Variants in PGCKA1 observed in about 807,000 individuals in gnomAD.
PGCKA1 encodes the protein PDCD10 and GCKIII kinases-associated protein 1.
chr4:37,515,303 C>T, the PGCKA1 span, among the ~76,000 whole-genome samples: 1 of 152,112 alleles, frequency 6.6e-6, no homozygotes, highest in Admixed American at 6.5e-5. Flanking sequence ...GTGAGAAATG[C>T]ATTTCTGTTG....
chr4:37,578,927 G>A, the PGCKA1 span, among the ~76,000 whole-genome samples: 121 of 152,146 alleles, frequency 8.0e-4, 4 homozygotes, highest in East Asian at 0.022. Flanking sequence ...GCATGGTGGT[G>A]CACACCTGTA....
chr4:37,589,051 C>T, the PGCKA1 span: 2 of 557,152 alleles, frequency 3.6e-6, no homozygotes, highest in Non-Finnish European at 6.3e-6. Context: ...GTTATAATAT[C>T]ATTTAAAAGA....
At chr4:37,528,108 C>A in the PGCKA1 span, among the ~76,000 whole-genome samples, 1 of 152,230 alleles carries the variant, frequency 6.6e-6, no homozygotes, top group South Asian at 2.1e-4. Flanking sequence ...TTGTCCATTT[C>A]CACTGAATTT....
chr4:37,496,929 ATTTTT>A, the PGCKA1 span, among the ~76,000 whole-genome samples: 2 of 151,752 alleles, frequency 1.3e-5, no homozygotes, highest in African/African-American at 2.4e-5. Flanking sequence ...AATACTAGTG[ATTTTT>A]TTTATTTTAT....
chr4:37,590,118 T>C, the PGCKA1 span: 2 of 1,614,066 alleles, frequency 1.2e-6, no homozygotes, highest in Non-Finnish European at 1.7e-6. Flanking sequence ...AAGTGCCCTC[T>C]CCTGGCTATG....
the PGCKA1 span, among the ~76,000 whole-genome samples, chr4:37,500,261 G>A: frequency 6.6e-6 from 1 of 152,160 alleles, no homozygotes; most frequent in African/African-American, 2.4e-5. Context: ...GTTTAGTGCT[G>A]TAAATTTCCC....
At chr4:37,522,349 A>G in the PGCKA1 span, among the ~76,000 whole-genome samples, 2 of 152,032 alleles carry the variant, frequency 1.3e-5, no homozygotes, top group Admixed American at 1.3e-4. Flanking sequence ...GCCTCACCCC[A>G]TAGCCACCAC....
the PGCKA1 span, among the ~76,000 whole-genome samples, chr4:37,464,784 A>G: frequency 1.3e-5 from 2 of 152,212 alleles, no homozygotes; most frequent in South Asian, 2.1e-4. Flanking sequence ...GATAGTTTCA[A>G]ATGTTTCTAA....
At chr4:37,458,564 G>T in the PGCKA1 span, among the ~76,000 whole-genome samples, 1 of 152,128 alleles carries the variant, frequency 6.6e-6, no homozygotes, top group African/African-American at 2.4e-5. Context: ...GCCATGTCAC[G>T]TGGGGAGCAG....
chr4:37,548,806 T>TAAAAC, the PGCKA1 span, among the ~76,000 whole-genome samples: 99,788 of 151,554 alleles, frequency 0.66, 33,245 homozygotes, highest in Middle Eastern at 0.74. Flanking sequence ...GTTAAAGACT[T>TAAAAC]AAACTTTGGC....
chr4:37,556,801 C>T, the PGCKA1 span, among the ~76,000 whole-genome samples: 23 of 152,164 alleles, frequency 1.5e-4, no homozygotes, highest in Non-Finnish European at 3.1e-4. Flanking sequence ...CAGGCATGGA[C>T]TTGTGTTTCT....
chr4:37,561,678 G>A, the PGCKA1 span, among the ~76,000 whole-genome samples: 5 of 152,290 alleles, frequency 3.3e-5, no homozygotes, highest in East Asian at 5.8e-4. Context: ...ATAATTCACT[G>A]TAGTTATGTT....
chr4:37,489,608 G>A, the PGCKA1 span, among the ~76,000 whole-genome samples: 1 of 152,120 alleles, frequency 6.6e-6, no homozygotes, highest in Admixed American at 6.6e-5. Flanking sequence ...AGAATTGTGG[G>A]TGACTCTGAG....
At chr4:37,500,736 A>T in the PGCKA1 span, among the ~76,000 whole-genome samples, 1 of 152,168 alleles carries the variant, frequency 6.6e-6, no homozygotes, top group Non-Finnish European at 1.5e-5. Flanking sequence ...GTCTCCCAGT[A>T]TTATTGTGTG....
chr4:37,563,092 T>C, the PGCKA1 span, among the ~76,000 whole-genome samples: 1 of 152,156 alleles, frequency 6.6e-6, no homozygotes, highest in African/African-American at 2.4e-5. Flanking sequence ...TTTCTTGTCT[T>C]CCGACCAGTT....
chr4:37,537,621 G>C, the PGCKA1 span, among the ~76,000 whole-genome samples: 1 of 152,158 alleles, frequency 6.6e-6, no homozygotes, highest in Non-Finnish European at 1.5e-5. Context: ...CATGTATTTG[G>C]AGATAGTGTC....
chr4:37,480,386 G>T, the PGCKA1 span, among the ~76,000 whole-genome samples: 1 of 152,206 alleles, frequency 6.6e-6, no homozygotes, highest in Non-Finnish European at 1.5e-5. Context: ...CCAGTTACCT[G>T]GGAGACTGAA....
chr4:37,557,959 C>G, the PGCKA1 span: 4 of 151,968 alleles, frequency 2.6e-5, no homozygotes, highest in Non-Finnish European at 4.4e-5. Flanking sequence ...GTCACACTCA[C>G]GATAATACCT....
the PGCKA1 span, among the ~76,000 whole-genome samples, chr4:37,548,170 GAAAA>G: frequency 6.8e-6 from 1 of 146,350 alleles, no homozygotes; most frequent in Non-Finnish European, 1.5e-5. Flanking sequence ...AGTCGTGAAA[GAAAA>G]AAAGTTATAA....
Sources: gnomAD v4.1 joint callset for allele counts (sites outside exome capture counted in the v4.1 genomes callset) on GRCh38, gnomAD v4.1.1 for gene constraint, MANE v1.5 for transcripts, NCBI Gene and HGNC (gene_info 2026-07-23, HGNC 2026-07-21) for gene names.